Variants in SPOCK1 observed in about 807,000 individuals in gnomAD.
SPOCK1 encodes SPARC (osteonectin), cwcv and kazal like domains proteoglycan 1.
SPOCK1 carries 23 observed loss-of-function variants against 55.3 expected under a neutral mutation model. The observed-to-expected ratio is 0.42, with a 90% CI of 0.30 to 0.59. The LOEUF is 0.59. Among genes scored for constraint, SPOCK1 ranks in the 20% least tolerant of loss-of-function variants. The pLI is 0.22. For synonymous variants in SPOCK1, 226 were observed against 221.0 expected, an observed-to-expected ratio of 1.02 and a Z score of -0.20; for missense variants, 499 against 552.5, an observed-to-expected ratio of 0.90 and a Z score of 0.97.
intron 2 of SPOCK1, among the ~76,000 whole-genome samples, chr5:137,433,452 A>G (rs537120845): frequency 1.2e-4 from 19 of 152,196 alleles, no homozygotes; most frequent in Non-Finnish European, 1.0e-4. Flanking sequence ...TCAAGTTGTC[A>G]AAATTGTCAA....
intron 2 of SPOCK1, among the ~76,000 whole-genome samples, chr5:137,490,393 C>T (rs925784465): frequency 1.3e-5 from 2 of 152,180 alleles, no homozygotes; most frequent in Non-Finnish European, 2.9e-5. Flanking sequence ...GCAAGAACTT[C>T]CCCAAGTATA....
At chr5:137,300,426 C>A (rs978872388) in intron 2 of SPOCK1, among the ~76,000 whole-genome samples, 1 of 152,080 alleles carries the variant, frequency 6.6e-6, no homozygotes, top group African/African-American at 2.4e-5. Context: ...ACATGCCTAG[C>A]GATTTGTATT....
intron 6 of SPOCK1, among the ~76,000 whole-genome samples, chr5:137,043,449 G>A (rs1183471179): frequency 3.3e-5 from 5 of 152,144 alleles, no homozygotes; most frequent in East Asian, 1.9e-4. Context: ...TAGGCTATGC[G>A]TAGTAACTTC....
At chr5:137,040,446 G>A (rs552643323) in intron 6 of SPOCK1, among the ~76,000 whole-genome samples, 10 of 152,180 alleles carry the variant, frequency 6.6e-5, no homozygotes, top group Non-Finnish European at 1.3e-4. Context: ...AACATATCTG[G>A]GAGCAAGGGA....
chr5:136,995,592 T>C (rs894479297), intron 6 of SPOCK1, among the ~76,000 whole-genome samples: 2 of 152,228 alleles, frequency 1.3e-5, no homozygotes, highest in Non-Finnish European at 2.9e-5. Flanking sequence ...TTTTTCTCTA[T>C]TGCCATGCGC....
chr5:137,075,293 T>G (rs1472584177), intron 5 of SPOCK1, among the ~76,000 whole-genome samples: 1 of 152,174 alleles, frequency 6.6e-6, no homozygotes, highest in African/African-American at 2.4e-5. Flanking sequence ...ACTCCTCTTT[T>G]CCCTCCCTAA....
chr5:137,416,421 A>G (rs1394094552), intron 2 of SPOCK1, among the ~76,000 whole-genome samples: 1 of 152,178 alleles, frequency 6.6e-6, no homozygotes, highest in Non-Finnish European at 1.5e-5. Context: ...CATTAGTTAT[A>G]TATATTAGCT....
At chr5:137,407,679 C>T (rs1380076017) in intron 2 of SPOCK1, among the ~76,000 whole-genome samples, 3 of 152,246 alleles carry the variant, frequency 2.0e-5, no homozygotes, top group Non-Finnish European at 2.9e-5. Context: ...GAGAGAACTC[C>T]GATCACCCAG....
At chr5:137,409,551 A>G (rs1225796657) in intron 2 of SPOCK1, among the ~76,000 whole-genome samples, 1 of 152,172 alleles carries the variant, frequency 6.6e-6, no homozygotes, top group Non-Finnish European at 1.5e-5. Flanking sequence ...TAATGATAGT[A>G]CCCATCTCCT....
chr5:137,430,958 T>C (rs1249811728), intron 2 of SPOCK1, among the ~76,000 whole-genome samples: 1 of 152,206 alleles, frequency 6.6e-6, no homozygotes, highest in Non-Finnish European at 1.5e-5. Context: ...GAGGCTTCTA[T>C]GAAAGCTTTT....
rs568415574 is a variant in SPOCK1, at chr5:137,276,484, C to T, written c.187-9429G>A. 3.2e-4 allele frequency among the ~76,000 whole-genome samples: 49 copies of T among 152,302 alleles called. 1 individual carries two copies. Among genetic ancestry groups the T allele is most frequent in the Middle Eastern group, 3.4e-3 (1 of 294 alleles). The stretch of plus-strand genomic sequence containing the variant: ...CTCCTCTGCAACTCAGCCACACAGA[C>T]GGCAGTCCCTAGGGCCAGGGGCTGG... On this transcript the variant is annotated intron_variant, in intron 2 of 10. Coordinates refer to ENST00000394945, the MANE Select transcript of SPOCK1 (RefSeq NM_004598.4).
At chr5:136,998,435 C>T (rs1751088300) in intron 6 of SPOCK1, among the ~76,000 whole-genome samples, 1 of 152,204 alleles carries the variant, frequency 6.6e-6, no homozygotes, top group East Asian at 1.9e-4. Flanking sequence ...CACAGACTCC[C>T]AATGTCAAAC....
chr5:137,382,573 G>A (rs1751494991), intron 2 of SPOCK1, among the ~76,000 whole-genome samples: 1 of 152,182 alleles, frequency 6.6e-6, no homozygotes, highest in African/African-American at 2.4e-5. Flanking sequence ...TTACAATCAT[G>A]GCAGAAGGTG....
chr5:137,252,258 T>TC (rs1418759172), intron 3 of SPOCK1, among the ~76,000 whole-genome samples: 1 of 151,952 alleles, frequency 6.6e-6, no homozygotes. Context: ...TTCTCCCATC[T>TC]CCCCCCATGC....
At chr5:137,145,629 G>T (rs768009266) in intron 3 of SPOCK1, among the ~76,000 whole-genome samples, 4 of 152,150 alleles carry the variant, frequency 2.6e-5, no homozygotes, top group Non-Finnish European at 5.9e-5. Flanking sequence ...GAATCTTTCT[G>T]CAGGCTAAAG....
chr5:137,021,346 A>G (rs1169506269), intron 6 of SPOCK1, among the ~76,000 whole-genome samples: 5 of 152,202 alleles, frequency 3.3e-5, no homozygotes, highest in Non-Finnish European at 7.4e-5. Flanking sequence ...GGATGCAAAT[A>G]TGTGCCAAAC....
In SPOCK1 at chr5:137,015,641, T is replaced by A. The variant is rs144949679; in HGVS notation, c.590-23041A>T. On this transcript the variant is annotated intron_variant, in intron 6 of 10. Coordinates refer to ENST00000394945, the MANE Select transcript of SPOCK1 (RefSeq NM_004598.4). ...TGTCACCCTTTGACAGTTCTCAGCA[T>A]GGGAGAAAATGGGGTCTGTTTGTGT... is the stretch of plus-strand genomic sequence containing the variant. Among the ~76,000 whole-genome samples, 3 of 152,294 alleles carry A rather than the reference T, an allele frequency of 2.0e-5. No homozygotes were observed. The East Asian group carries it at 5.8e-4, about 29-fold the overall frequency.
intron 2 of SPOCK1, among the ~76,000 whole-genome samples, chr5:137,317,084 T>C (rs1318511423): frequency 1.3e-5 from 2 of 152,100 alleles, no homozygotes; most frequent in Non-Finnish European, 2.9e-5. Flanking sequence ...ACAACATGGA[T>C]GGTCCTTGAT....
At chr5:137,475,216 A>G (rs1182202412) in intron 2 of SPOCK1, among the ~76,000 whole-genome samples, 6 of 152,160 alleles carry the variant, frequency 3.9e-5, no homozygotes, top group Non-Finnish European at 8.8e-5. Flanking sequence ...AAGCAACCAG[A>G]CAAGTACAGA....
Sources: allele counts gnomAD v4.1 joint callset (sites outside exome capture counted in the v4.1 genomes callset), GRCh38; gene constraint gnomAD v4.1.1; transcripts MANE v1.5; gene names NCBI Gene and HGNC (gene_info 2026-07-23, HGNC 2026-07-21).